ARHGAP42: variants seen among roughly 807,000 people sequenced by gnomAD.
ARHGAP42 encodes rho GTPase-activating protein 42.
A neutral mutation model predicts 125.0 loss-of-function variants in ARHGAP42; 63 were observed. That is an observed-to-expected ratio of 0.50 (90% CI 0.41 to 0.62). The LOEUF (loss-of-function observed/expected upper bound fraction) is 0.62. ARHGAP42 is among the 20% of genes least tolerant of loss of function. The probability of loss-of-function intolerance (pLI) is 0.00; values close to 1 mark genes in which losing one functional copy is unlikely to be tolerated. For missense variants in ARHGAP42, 766 were observed against 1,024.2 expected (o/e 0.75, Z 3.44); for synonymous variants, 339 against 351.0 (o/e 0.97, Z 0.38).
intron 6 of ARHGAP42, among the ~76,000 whole-genome samples, 159 bp from the exon 7 acceptor site, chr11:100,932,997 C>T (rs1867627681): frequency 6.6e-6 from 1 of 152,136 alleles, no homozygotes; most frequent in Non-Finnish European, 1.5e-5. Flanking sequence ...TTTGTGGTTT[C>T]TGTTTTATAA....
intron 1 of ARHGAP42, among the ~76,000 whole-genome samples, chr11:100,711,192 G>T (rs1861560053): frequency 6.6e-6 from 1 of 152,162 alleles, no homozygotes; most frequent in African/African-American, 2.4e-5. Context: ...GACTCTGTTG[G>T]CTGAAGCTTG....
chr11:100,970,145 C>T (rs1858201299), intron 17 of ARHGAP42, among the ~76,000 whole-genome samples: 1 of 152,044 alleles, frequency 6.6e-6, no homozygotes, highest in South Asian at 2.1e-4. Flanking sequence ...CTCACCACCA[C>T]ACCCGGCTAA....
chr11:100,723,613 T>C (rs942673128), intron 1 of ARHGAP42, among the ~76,000 whole-genome samples: 4 of 152,228 alleles, frequency 2.6e-5, no homozygotes, highest in African/African-American at 7.2e-5. Context: ...TTGACTTTTA[T>C]ATATTAGCTT....
At chr11:100,854,498 A>G (rs513429) in intron 3 of ARHGAP42, among the ~76,000 whole-genome samples, 127,443 of 152,152 alleles carry the variant, frequency 0.84, 53,818 homozygotes, top group East Asian at 0.96. Flanking sequence ...TTTTTAGATG[A>G]CAATATGTTT....
rs1667346153 is a variant in ARHGAP42 at position 100,990,163 on chromosome 11, A to G, written c.*1362A>G. The stretch of plus-strand genomic sequence containing the variant: ...AATGTAATATCTGTATGTGGCAAAG[A>G]GCCTTTCTTCTCAAGATCCTGAAAA... On this transcript the variant is annotated 3_prime_UTR_variant, in exon 24 of 24. Coordinates refer to ENST00000298815, the MANE Select transcript of ARHGAP42 (RefSeq NM_152432.4). The G allele has an allele frequency of 6.6e-6, 1 of 152,128 alleles. No individual in the cohort carries two copies. Among genetic ancestry groups the G allele is most frequent in the Non-Finnish European group, 1.5e-5 (1 of 68,022 alleles). 9.4% of individuals were successfully genotyped at this position (152,128 alleles called of 1,614,324 possible). A position where few individuals can be genotyped will look rare whatever the true frequency, so the allele number is the denominator to read the frequency against.
intron 4 of ARHGAP42, among the ~76,000 whole-genome samples, chr11:100,913,069 CT>C (rs1866967838): frequency 6.6e-6 from 1 of 151,958 alleles, no homozygotes; most frequent in South Asian, 2.1e-4. Context: ...AGACATTTTT[CT>C]CTTGGTCACA....
At chr11:100,688,722 T>A (rs1038864808) in intron 1 of ARHGAP42, among the ~76,000 whole-genome samples, 8 of 152,136 alleles carry the variant, frequency 5.3e-5, no homozygotes, top group Non-Finnish European at 8.8e-5. Flanking sequence ...TTTTAAAAAA[T>A]TTATTTTTAT....
intron 4 of ARHGAP42, among the ~76,000 whole-genome samples, chr11:100,883,503 C>T (rs528880923): frequency 2.0e-4 from 30 of 151,990 alleles, no homozygotes; most frequent in South Asian, 8.3e-4. Context: ...CCACCATGCC[C>T]GGCTAATTTT....
chr11:100,728,729 T>C (rs1166458154), intron 1 of ARHGAP42, among the ~76,000 whole-genome samples: 7 of 112,058 alleles, frequency 6.2e-5, no homozygotes, highest in African/African-American at 2.3e-4. Context: ...TATATATATA[T>C]ATATATATAT....
intron 12 of ARHGAP42, among the ~76,000 whole-genome samples, chr11:100,952,066 A>T (rs1380268936): frequency 6.6e-6 from 1 of 152,182 alleles, no homozygotes; most frequent in African/African-American, 2.4e-5. Flanking sequence ...TAAAGTTATG[A>T]ATCTTAAGCT....
At position 100,936,314 on chromosome 11, in the gene ARHGAP42, C is replaced by G; in HGVS notation, c.814C>G (p.Leu272Val). Residue 272 changes from leucine (L) to valine (V), a missense_variant, in exon 8 of 24, where the codon CTG (leucine) becomes GTG (valine). Physicochemically the swap from Leu to Val is conservative, Grantham distance 32 (BLOSUM62 1). This residue lies in a region of ARHGAP42 where 455 missense variants were observed against 636.5 expected (regional missense o/e 0.71). Coordinates refer to ENST00000298815, the MANE Select transcript of ARHGAP42 (RefSeq NM_152432.4). ...PPSQWTMEGY[L>V]YVQEKRPLGF... is the part of the protein sequence containing the mutation. The stretch of plus-strand genomic sequence containing the variant: ...CAGCCAGTGGACGATGGAAGGCTAT[C>G]TGTATGTCCAGGAGAAACGTGAGTC... The G allele has an allele frequency of 6.4e-7, 1 of 1,551,510 alleles. No homozygotes were observed. Among genetic ancestry groups the G allele is most frequent in the Non-Finnish European group, 8.7e-7 (1 of 1,146,868 alleles).
intron 22 of ARHGAP42, chr11:100,986,322 C>T (rs1377898679): frequency 3.1e-6 from 1 of 320,156 alleles, no homozygotes; most frequent in Non-Finnish European, 6.0e-6. Flanking sequence ...AAGAGGAAAA[C>T]ATCTCAGGAC....
chr11:100,854,847 C>A (rs1166239543), intron 3 of ARHGAP42, among the ~76,000 whole-genome samples: 1 of 152,102 alleles, frequency 6.6e-6, no homozygotes, highest in Non-Finnish European at 1.5e-5. Context: ...GAGATGCTTG[C>A]TTGTAATCAA....
At chr11:100,979,195 G>A (rs1591337208) in intron 22 of ARHGAP42, 146 bp downstream of exon 22, 6 of 727,650 alleles carry the variant, frequency 8.2e-6, no homozygotes, top group East Asian at 2.7e-5. Flanking sequence ...AGGAAGTCAT[G>A]TCTGTAAACA....
At chr11:100,973,435 T>G in intron 18 of ARHGAP42, 101 bp downstream of exon 18, 2 of 1,180,302 alleles carry the variant, frequency 1.7e-6, no homozygotes, top group South Asian at 1.5e-5. Context: ...TATAAATTAC[T>G]TCTTAATGGG....
intron 1 of ARHGAP42, among the ~76,000 whole-genome samples, chr11:100,691,662 T>G (rs2120168056): frequency 6.6e-6 from 1 of 152,220 alleles, no homozygotes. Flanking sequence ...ACCATAGGAA[T>G]GCACCACCAG....
intron 7 of ARHGAP42, among the ~76,000 whole-genome samples, chr11:100,934,100 T>C (rs1349527492): frequency 6.6e-6 from 1 of 152,218 alleles, no homozygotes; most frequent in Admixed American, 6.5e-5. Flanking sequence ...AAGTCTCTTT[T>C]TTAAGACAGC....
intron 8 of ARHGAP42, 87 bp from the exon 9 acceptor site, chr11:100,941,697 T>G (rs1056544570): frequency 1.4e-6 from 1 of 719,866 alleles, no homozygotes; most frequent in Non-Finnish European, 2.3e-6. Context: ...GATAATCGGT[T>G]GTATATCATA....
intron 3 of ARHGAP42, among the ~76,000 whole-genome samples, chr11:100,800,458 G>A (rs142365072): frequency 2.4e-4 from 36 of 152,126 alleles, no homozygotes; most frequent in Admixed American, 2.0e-3. Context: ...TAGGAATCCA[G>A]AAAGCTGAGC....
Sources: gnomAD v4.1 joint callset for allele counts (sites outside exome capture counted in the v4.1 genomes callset) on GRCh38, gnomAD v4.1.1 for gene constraint, gnomAD v4.1.1 regional missense constraint, MANE v1.5 for transcripts, NCBI Gene and HGNC (gene_info 2026-07-23, HGNC 2026-07-21) for gene names.